NIBAN1: variants seen among roughly 807,000 people sequenced by gnomAD.
The protein encoded by NIBAN1 is protein Niban 1.
Under a neutral mutation model 75.1 loss-of-function variants are expected in NIBAN1, and 81 were observed. That is an observed-to-expected ratio of 1.08 (90% CI 0.90 to 1.30). NIBAN1 has a LOEUF of 1.30. Among genes scored for constraint, NIBAN1 ranks in the 50% most tolerant of loss-of-function variants. The pLI is 0.00. For missense variants in NIBAN1, 1,133 were observed against 1,128.1 expected, an observed-to-expected ratio of 1.00 and a Z score of -0.06; for synonymous variants, 436 against 424.8, an observed-to-expected ratio of 1.03 and a Z score of -0.32.
chr1:184,933,049 A>G (rs751145916), intron 1 of NIBAN1, among the ~76,000 whole-genome samples: 8 of 152,238 alleles, frequency 5.3e-5, no homozygotes, highest in Non-Finnish European at 8.8e-5. Context: ...GATAAAGTGC[A>G]AGCTCTCAGT....
Position 184,795,363 on chromosome 1 carries a change from C to T in NIBAN1, c.2401G>A (p.Gly801Arg). ...CCCAGGGGCTCCTCGGTGAGCCCTC[C>T]ACTGGCTGGCGGAGAGGCTGGGCTG... ...VGSPASPPASGGLTEEPLGPM... is the reference protein window; with the variant it reads ...VGSPASPPASRGLTEEPLGPM... The change falls in exon 14 of 14, where the codon GGA (glycine) becomes AGA (arginine). Residue 801 changes from glycine to arginine, a missense_variant. Physicochemically the swap from Gly to Arg is moderately radical, Grantham distance 125 (BLOSUM62 -2). Coordinates refer to ENST00000367511, the MANE Select transcript of NIBAN1 (RefSeq NM_052966.4). 6.2e-7 allele frequency: 1 copy of T among 1,608,442 alleles called. No homozygotes were observed. The highest frequency in any genetic ancestry group is 1.1e-5 in the South Asian group (1 of 90,552).
intron 1 of NIBAN1, among the ~76,000 whole-genome samples, chr1:184,956,738 AC>A (rs989641227): frequency 2.6e-5 from 4 of 152,040 alleles, no homozygotes; most frequent in Non-Finnish European, 5.9e-5. Context: ...TAAAAATGTT[AC>A]TCTAAAAAGG....
intron 1 of NIBAN1, among the ~76,000 whole-genome samples, chr1:184,923,191 C>T (rs1225467611): frequency 1.3e-5 from 2 of 152,130 alleles, no homozygotes; most frequent in Non-Finnish European, 2.9e-5. Flanking sequence ...TAGTTTCATA[C>T]TTTGACATCT....
At chr1:184,858,971 AAC>A (rs1482738741) in intron 5 of NIBAN1, among the ~76,000 whole-genome samples, 1 of 152,088 alleles carries the variant, frequency 6.6e-6, no homozygotes, top group Non-Finnish European at 1.5e-5. Context: ...AAAAACAAAA[AAC>A]AGTGACCAAA....
chr1:184,867,967 G>A (rs761664284), intron 5 of NIBAN1: 135 of 985,330 alleles, frequency 1.4e-4, no homozygotes, highest in Non-Finnish European at 1.6e-4. Flanking sequence ...TCTAGGGAAA[G>A]GTGGGGAAGG....
chr1:184,896,571 T>C (rs1419366503), intron 2 of NIBAN1, among the ~76,000 whole-genome samples: 1 of 152,264 alleles, frequency 6.6e-6, no homozygotes, highest in East Asian at 1.9e-4. Flanking sequence ...TCTATTTTTG[T>C]TTTTGTTGCA....
chr1:184,801,522 G>GAA lies in NIBAN1; in HGVS notation c.1554+2062_1554+2063insTT, dbSNP rs1452278913. On this transcript the variant is annotated intron_variant, in intron 12 of 13. Coordinates refer to ENST00000367511, the MANE Select transcript of NIBAN1 (RefSeq NM_052966.4). ...AACACCCTTTCATCCTTCCCACGTG[G>GAA]TCCCCCATTCCTATTCCCCTGATTG... is the stretch of plus-strand genomic sequence containing the variant. 3.3e-5 allele frequency among the ~76,000 whole-genome samples: 5 copies of GAA among 152,264 alleles called. No homozygotes were observed. In the East Asian group the frequency reaches 9.7e-4, roughly 29 times the overall value.
chr1:184,973,972 G>A (rs1002942480), intron 1 of NIBAN1, among the ~76,000 whole-genome samples: 1 of 152,188 alleles, frequency 6.6e-6, no homozygotes, highest in Non-Finnish European at 1.5e-5. Flanking sequence ...AAACCGCTCA[G>A]AACTCAGTCC....
intron 1 of NIBAN1, among the ~76,000 whole-genome samples, chr1:184,922,448 T>G (rs1445318592): frequency 6.6e-6 from 1 of 152,150 alleles, no homozygotes; most frequent in African/African-American, 2.4e-5. Context: ...CTCCGTGAGT[T>G]CAATTGTTTT....
intron 1 of NIBAN1, among the ~76,000 whole-genome samples, chr1:184,972,022 T>G (rs1025579109): frequency 6.6e-6 from 1 of 152,232 alleles, no homozygotes; most frequent in African/African-American, 2.4e-5. Context: ...GTTAAATGAT[T>G]TGTCTTAAAG....
At chr1:184,869,723 G>A (rs12758635) in intron 5 of NIBAN1, among the ~76,000 whole-genome samples, 5,105 of 152,016 alleles carry the variant, frequency 0.034, 128 homozygotes, top group Non-Finnish European at 0.057. Flanking sequence ...TGTATTTTTA[G>A]TAGAGATGGG....
At chr1:184,822,172 C>T (rs1178495354) in intron 8 of NIBAN1, among the ~76,000 whole-genome samples, 2 of 152,188 alleles carry the variant, frequency 1.3e-5, no homozygotes, top group African/African-American at 4.8e-5. Context: ...TGTCAATAAA[C>T]AATCACAGAT....
intron 1 of NIBAN1, among the ~76,000 whole-genome samples, chr1:184,955,528 G>A (rs868167132): frequency 3.3e-5 from 5 of 151,808 alleles, no homozygotes; most frequent in Admixed American, 1.3e-4. Context: ...TAGTAGAGAC[G>A]GGGTTTCACC....
At chr1:184,903,088 T>A (rs1376561927) in intron 1 of NIBAN1, among the ~76,000 whole-genome samples, 1 of 152,228 alleles carries the variant, frequency 6.6e-6, no homozygotes. Flanking sequence ...TCCTTTCATA[T>A]CCCTGTCACC....
chr1:184,944,943 C>G (rs138401553), intron 1 of NIBAN1, among the ~76,000 whole-genome samples: 87 of 152,068 alleles, frequency 5.7e-4, no homozygotes, highest in African/African-American at 1.9e-3. Context: ...ATCCATGCAC[C>G]TAGATGGTAA....
At chr1:184,810,329 C>T (rs572297935) in intron 9 of NIBAN1, among the ~76,000 whole-genome samples, 1 of 152,322 alleles carries the variant, frequency 6.6e-6, no homozygotes, top group South Asian at 2.1e-4. Context: ...CTCCTGGGCA[C>T]TACCCCTAGA....
chr1:184,869,440 A>T (rs1371272463), intron 5 of NIBAN1, among the ~76,000 whole-genome samples: 1 of 152,238 alleles, frequency 6.6e-6, no homozygotes, highest in Non-Finnish European at 1.5e-5. Flanking sequence ...AAATCCCATG[A>T]AGAGTCTAGT....
chr1:184,882,797 T>C (rs1207075452), intron 5 of NIBAN1, among the ~76,000 whole-genome samples: 2 of 152,206 alleles, frequency 1.3e-5, no homozygotes, highest in East Asian at 3.9e-4. Context: ...CAACTGCATG[T>C]TCCTACTAGA....
intron 13 of NIBAN1, among the ~76,000 whole-genome samples, chr1:184,797,682 C>A (rs1195412972): frequency 6.6e-6 from 1 of 152,166 alleles, no homozygotes; most frequent in Non-Finnish European, 1.5e-5. Context: ...GGGGCAGTTA[C>A]AAGCCTGTGC....
Sources: allele counts gnomAD v4.1 joint callset (sites outside exome capture counted in the v4.1 genomes callset), GRCh38; gene constraint gnomAD v4.1.1; transcripts MANE v1.5; gene names NCBI Gene and HGNC (gene_info 2026-07-23, HGNC 2026-07-21).